The following DNAH11 variants were observed in gnomAD, a reference collection of about 807,000 sequenced individuals.
DNAH11 encodes axonemal beta dynein heavy chain 11.
In DNAH11, 442 loss-of-function variants were observed where a neutral mutation model predicts 526.0. That is an observed-to-expected ratio of 0.84 (90% CI 0.78 to 0.91). DNAH11 has a LOEUF of 0.91. Among genes scored for constraint, DNAH11 ranks in the 40% least tolerant of loss-of-function variants. The pLI, the probability that DNAH11 is intolerant of heterozygous loss-of-function variation, is 0.00. For synonymous variants in DNAH11, 2,461 were observed against 1,935.9 expected (o/e 1.27, Z -7.12); for missense variants, 6,989 against 5,448.7 (o/e 1.28, Z -8.90).
chr7:21,653,964 C>T (rs1052013370), intron 28 of DNAH11, among the ~76,000 whole-genome samples: 1 of 152,170 alleles, frequency 6.6e-6, no homozygotes, highest in South Asian at 2.1e-4. Flanking sequence ...TGGTATACTT[C>T]TCATGTCCAG....
rs749250864 is a variant in DNAH11 at position 21,741,966 on chromosome 7, G to A, written c.7954G>A (p.Asp2652Asn). The A allele has an allele frequency of 1.2e-5, 19 of 1,613,562 alleles. No homozygotes were observed. In the South Asian group the frequency reaches 1.9e-4, roughly 16 times the overall value. ...TVFAFNFPSL[D>N]ALNTIYGQIF... ...GTTTGCATTCAATTTTCCATCTTTGGATGCACTAAACACCATCTATGGCCA... is the reference window on the plus strand; with the variant it reads ...GTTTGCATTCAATTTTCCATCTTTGAATGCACTAAACACCATCTATGGCCA... The change falls in exon 49 of 82, where the codon GAT (aspartate) becomes AAT (asparagine). Residue 2652 changes from aspartate to asparagine, a missense_variant. Coordinates refer to ENST00000409508, the MANE Select transcript of DNAH11 (RefSeq NM_001277115.2).
intron 46 of DNAH11, among the ~76,000 whole-genome samples, chr7:21,736,395 G>A (rs764501152): frequency 2.4e-4 from 37 of 152,156 alleles, no homozygotes; most frequent in Admixed American, 5.2e-4. Context: ...GATGTAGAGA[G>A]GAAATCACCG....
rs1431570368 is a variant in DNAH11 at position 21,559,593 on chromosome 7, A to G, written c.693-10A>G. ...ATCTTTGAATTATTTTATTATCTTA[A>G]TGTTTGTAGGCCACCGTCAAACGAA... On this transcript the variant is annotated splice_polypyrimidine_tract_variant and intron_variant, in intron 3 of 81. Coordinates refer to ENST00000409508, the MANE Select transcript of DNAH11 (RefSeq NM_001277115.2). 1 of 1,582,136 alleles carries G rather than the reference A, an allele frequency of 6.3e-7. No individual in the cohort carries two copies. The highest frequency in any genetic ancestry group is 8.6e-7 in the Non-Finnish European group (1 of 1,162,530).
At chr7:21,763,694 A>G (rs903576206) in intron 54 of DNAH11, among the ~76,000 whole-genome samples, 1 of 151,196 alleles carries the variant, frequency 6.6e-6, no homozygotes, top group Non-Finnish European at 1.5e-5. Context: ...TTGAAGAGAT[A>G]TCTACACTTT....
chr7:21,812,423 C>A (rs916790203), intron 63 of DNAH11, among the ~76,000 whole-genome samples: 2 of 151,920 alleles, frequency 1.3e-5, no homozygotes, highest in African/African-American at 4.8e-5. Context: ...TCTCCCAGTG[C>A]TTTGGGAGGC....
chr7:21,827,559 A>G (rs1790358999), intron 65 of DNAH11, among the ~76,000 whole-genome samples: 1 of 151,944 alleles, frequency 6.6e-6, no homozygotes, highest in African/African-American at 2.4e-5. Context: ...TATTTTTCAT[A>G]CAATTATTAT....
In DNAH11 at chr7:21,588,541, G is replaced by A; in HGVS notation, c.1878G>A (p.Lys626=). The A allele has an allele frequency of 6.2e-7, 1 of 1,613,702 alleles. No homozygotes were observed. The highest frequency in any genetic ancestry group is 8.5e-7 in the Non-Finnish European group (1 of 1,179,678). The change falls in exon 11 of 82, where the codon AAG becomes AAA. Residue 626 remains lysine (K), a synonymous_variant. Transcript: ENST00000409508. ...QIECGHVVLN[K]NMPFTSGNMK... is the part of the protein sequence containing the mutation. ...AATGTGGTCATGTAGTTCTTAACAA[G>A]AACATGCCATTTACCTCAGGAAATA... is the stretch of plus-strand genomic sequence containing the variant.
At chr7:21,794,647 C>G (rs1788629751) in intron 61 of DNAH11, among the ~76,000 whole-genome samples, 1 of 152,112 alleles carries the variant, frequency 6.6e-6, no homozygotes, top group East Asian at 1.9e-4. Flanking sequence ...GTTGAACAGC[C>G]ACTCTGATTT....
At chr7:21,765,734 T>G in intron 55 of DNAH11, 145 bp downstream of exon 55, 1 of 1,193,408 alleles carries the variant, frequency 8.4e-7, no homozygotes. Flanking sequence ...TTGTTTAAGA[T>G]GCTAAACTTA....
At chr7:21,645,047 C>A (rs574115681) in intron 28 of DNAH11, among the ~76,000 whole-genome samples, 2 of 152,174 alleles carry the variant, frequency 1.3e-5, no homozygotes, top group Non-Finnish European at 2.9e-5. Flanking sequence ...GGAATTCTCT[C>A]CATAGCCAAT....
At position 21,829,648 on chromosome 7, in the gene DNAH11, G is replaced by C. The variant is rs368542956; in HGVS notation, c.10691+11309G>C. Reference sequence around the variant, plus strand: ...CTGATAGCTAAATAAATGCATTTTGGTTTTTATAATCAATACTGATGACAT... The same window carrying C: ...CTGATAGCTAAATAAATGCATTTTGCTTTTTATAATCAATACTGATGACAT... On this transcript the variant is annotated intron_variant, in intron 65 of 81. Transcript: ENST00000409508. 9.9e-5 allele frequency among the ~76,000 whole-genome samples: 15 copies of C among 152,224 alleles called. No individual in the cohort carries two copies. In the East Asian group the frequency reaches 1.2e-3, roughly 12 times the overall value.
At position 21,749,811 on chromosome 7, in the gene DNAH11, C is replaced by G. The variant is rs765433857; in HGVS notation, c.8797+10C>G. Reference sequence around the variant, plus strand: ...GACTTGCTGGCATCAGGTGATTAAACCAACACATTTCTTGAAAGATCTTCC... The same window carrying G: ...GACTTGCTGGCATCAGGTGATTAAAGCAACACATTTCTTGAAAGATCTTCC... On this transcript the variant is annotated intron_variant, in intron 53 of 81. Coordinates refer to ENST00000409508, the MANE Select transcript of DNAH11 (RefSeq NM_001277115.2). 4 of 1,613,380 alleles carry G rather than the reference C, an allele frequency of 2.5e-6. No homozygotes were observed. The highest frequency in any genetic ancestry group is 3.4e-6 in the Non-Finnish European group (4 of 1,179,628).
intron 59 of DNAH11, among the ~76,000 whole-genome samples, chr7:21,787,181 G>A (rs1242567028): frequency 2.0e-5 from 3 of 152,132 alleles, no homozygotes; most frequent in Non-Finnish European, 4.4e-5. Context: ...CCTGTGCTGG[G>A]ACTGAATATT....
At chr7:21,831,792 A>G (rs975774851) in intron 65 of DNAH11, among the ~76,000 whole-genome samples, 2 of 152,172 alleles carry the variant, frequency 1.3e-5, no homozygotes, top group Non-Finnish European at 2.9e-5. Context: ...ACATTTAACC[A>G]GTTAAAAGCT....
chr7:21,563,383 G>GT (rs1783541809), intron 5 of DNAH11, among the ~76,000 whole-genome samples: 1 of 151,752 alleles, frequency 6.6e-6, no homozygotes, highest in Non-Finnish European at 1.5e-5. Context: ...TAATTTTTAA[G>GT]TTTTTTGTAG....
intron 54 of DNAH11, among the ~76,000 whole-genome samples, chr7:21,760,288 T>C (rs1786842369): frequency 6.6e-6 from 1 of 152,056 alleles, no homozygotes; most frequent in South Asian, 2.1e-4. Context: ...AGTTGATTGG[T>C]GATAATAAGG....
chr7:21,738,686 A>G lies in DNAH11; in HGVS notation c.7646-15A>G. On this transcript the variant is annotated splice_polypyrimidine_tract_variant and intron_variant, in intron 46 of 81. Coordinates refer to ENST00000409508, the MANE Select transcript of DNAH11 (RefSeq NM_001277115.2). ...ATTCTGTTGATGGGTGGACAGAAAT[A>G]TATGTTTATTTCAGAAATTCTTGAG... 1 of 1,554,792 alleles carries G rather than the reference A, an allele frequency of 6.4e-7. No individual in the cohort carries two copies. The highest frequency in any genetic ancestry group is 1.7e-4 in the Middle Eastern group (1 of 5,900).
At position 21,801,283 on chromosome 7, in the gene DNAH11, C is replaced by T; in HGVS notation, c.10165+8C>T. 3.1e-6 allele frequency: 5 copies of T among 1,613,584 alleles called. No individual in the cohort carries two copies. The highest frequency in any genetic ancestry group is 1.3e-5 in the African/African-American group (1 of 75,030). ...TCAAGGAACTTGAGGCAAGTTAAAC[C>T]TTTTCTTCCAAACATTCTAACTAAA... On this transcript the variant is annotated splice_region_variant and intron_variant, in intron 62 of 81. Transcript: ENST00000409508.
chr7:21,683,765 G>A lies in DNAH11; in HGVS notation c.5461-19G>A. The A allele has an allele frequency of 6.4e-7, 1 of 1,571,706 alleles. No homozygotes were observed. The highest frequency in any genetic ancestry group is 8.6e-7 in the Non-Finnish European group (1 of 1,158,018). ...AAACTACCAGTGTCCTGCGTATGATGATTATGCAATGCCTTTAGGTTGTCA... is the reference window on the plus strand; with the variant it reads ...AAACTACCAGTGTCCTGCGTATGATAATTATGCAATGCCTTTAGGTTGTCA... On this transcript the variant is annotated intron_variant, in intron 31 of 81. Coordinates refer to ENST00000409508, the MANE Select transcript of DNAH11 (RefSeq NM_001277115.2).
Sources: allele counts gnomAD v4.1 joint callset (sites outside exome capture counted in the v4.1 genomes callset), GRCh38; gene constraint gnomAD v4.1.1; transcripts MANE v1.5; gene names NCBI Gene and HGNC (gene_info 2026-07-23, HGNC 2026-07-21).